The following FAM13A variants were observed in gnomAD, a reference collection of about 807,000 sequenced individuals.
FAM13A encodes family with sequence similarity 13 member A.
FAM13A carries 76 observed loss-of-function variants against 129.6 expected under a neutral mutation model. That is an observed-to-expected ratio of 0.59 (90% CI 0.49 to 0.71). The LOEUF (loss-of-function observed/expected upper bound fraction) is 0.71. FAM13A is among the 30% of genes least tolerant of loss of function. FAM13A has a pLI of 0.00. For missense variants in FAM13A, 1,108 were observed against 1,249.3 expected, an observed-to-expected ratio of 0.89 and a Z score of 1.70; for synonymous variants, 443 against 449.9, an observed-to-expected ratio of 0.98 and a Z score of 0.20.
chr4:88,749,873 C>T lies in FAM13A; in HGVS notation c.1977G>A (p.Glu659=), dbSNP rs751192648. ...GCTGGGCAGGTGTCAGGTCCTCTTG[C>T]TCATCATCATAGGACCCCAGAGAGG... ...RSSSLGSYDD[E]QEDLTPAQLT... Residue 659 remains glutamate, a synonymous_variant, in exon 16 of 24, where the codon GAG becomes GAA. Transcript: ENST00000264344. 6.2e-7 allele frequency: 1 copy of T among 1,614,066 alleles called. No individual in the cohort carries two copies.
intron 4 of FAM13A, among the ~76,000 whole-genome samples, chr4:88,964,379 G>C (rs1759060113): frequency 6.6e-6 from 1 of 152,018 alleles, no homozygotes; most frequent in African/African-American, 2.4e-5. Flanking sequence ...AACTAATGCA[G>C]GTAGGTCATT....
At chr4:88,810,327 C>G (rs1190391437) in intron 7 of FAM13A, among the ~76,000 whole-genome samples, 1 of 152,062 alleles carries the variant, frequency 6.6e-6, no homozygotes, top group African/African-American at 2.4e-5. Flanking sequence ...TACACTGAAA[C>G]CATAATCCCT....
chr4:88,974,151 T>C (rs1049624080), intron 4 of FAM13A, among the ~76,000 whole-genome samples: 1 of 152,232 alleles, frequency 6.6e-6, no homozygotes, highest in Non-Finnish European at 1.5e-5. Context: ...CCCAAAATTA[T>C]GGAGTTCTCC....
intron 7 of FAM13A, among the ~76,000 whole-genome samples, chr4:88,823,778 T>C (rs1732518053): frequency 6.6e-6 from 1 of 152,320 alleles, no homozygotes; most frequent in African/African-American, 2.4e-5. Context: ...TACACTGCGG[T>C]GGTTACTAGT....
chr4:88,810,428 T>C (rs1329655095), intron 7 of FAM13A, among the ~76,000 whole-genome samples: 1 of 152,136 alleles, frequency 6.6e-6, no homozygotes, highest in South Asian at 2.1e-4. Flanking sequence ...CTGAATCTAA[T>C]ATGACTAATG....
intron 6 of FAM13A, among the ~76,000 whole-genome samples, chr4:88,874,448 G>T (rs866636695): frequency 3.9e-5 from 6 of 152,126 alleles, no homozygotes; most frequent in Admixed American, 3.9e-4. Context: ...AAAGTCTCTG[G>T]ATACAAAATC....
intron 3 of FAM13A, among the ~76,000 whole-genome samples, chr4:89,016,904 G>C (rs1477300224): frequency 6.6e-6 from 1 of 152,144 alleles, no homozygotes; most frequent in Non-Finnish European, 1.5e-5. Context: ...AAAAGTGCTG[G>C]GTTACAGGCA....
At chr4:89,036,623 A>C (rs1422698725) in intron 1 of FAM13A, among the ~76,000 whole-genome samples, 1 of 152,238 alleles carries the variant, frequency 6.6e-6, no homozygotes, top group Non-Finnish European at 1.5e-5. Context: ...GAATGTTAAT[A>C]GCCAAGACAA....
At chr4:88,746,138 C>A (rs568481061) in intron 19 of FAM13A, among the ~76,000 whole-genome samples, 8 of 152,124 alleles carry the variant, frequency 5.3e-5, no homozygotes, top group Non-Finnish European at 8.8e-5. Flanking sequence ...TACTTTTTGG[C>A]TATATAAAAA....
intron 1 of FAM13A, among the ~76,000 whole-genome samples, chr4:89,032,231 C>A (rs1022726078): frequency 2.7e-5 from 4 of 150,210 alleles, no homozygotes; most frequent in Admixed American, 6.6e-5. Flanking sequence ...GGCAACAGAG[C>A]GAGACTCCGT....
chr4:88,879,806 C>G (rs1743225119), intron 6 of FAM13A, among the ~76,000 whole-genome samples: 1 of 152,090 alleles, frequency 6.6e-6, no homozygotes, highest in African/African-American at 2.4e-5. Flanking sequence ...CCAGCAAGAG[C>G]AGAGTCTCCC....
intron 1 of FAM13A, among the ~76,000 whole-genome samples, chr4:89,034,715 C>T (rs1490223485): frequency 6.6e-6 from 1 of 152,172 alleles, no homozygotes; most frequent in African/African-American, 2.4e-5. Context: ...AACCCCATCT[C>T]TACTAAAAAT....
At chr4:88,731,556 T>C (rs1737797090) in intron 22 of FAM13A, 128 bp from the exon 23 acceptor site, 2 of 552,400 alleles carry the variant, frequency 3.6e-6, no homozygotes, top group Non-Finnish European at 3.1e-6. Context: ...GCTGAGAGCA[T>C]TGAGGGGGCG....
At chr4:88,808,540 C>T (rs1442137281) in intron 7 of FAM13A, among the ~76,000 whole-genome samples, 1 of 151,966 alleles carries the variant, frequency 6.6e-6, no homozygotes, top group African/African-American at 2.4e-5. Flanking sequence ...ATAATTTTTT[C>T]CTAAAGATGA....
intron 22 of FAM13A, 26 bp from the exon 23 acceptor site, chr4:88,731,454 A>G (rs764434542): frequency 7.5e-7 from 1 of 1,338,544 alleles, no homozygotes; most frequent in East Asian, 2.3e-5. Context: ...CATTGCAAGG[A>G]AATTAAGTTA....
intron 7 of FAM13A, among the ~76,000 whole-genome samples, chr4:88,834,336 CT>C (rs1734451740): frequency 6.6e-6 from 1 of 151,746 alleles, no homozygotes; most frequent in African/African-American, 2.4e-5. Flanking sequence ...AACCAAAAAT[CT>C]TTTTTTCCTC....
intron 8 of FAM13A, among the ~76,000 whole-genome samples, chr4:88,797,879 T>G (rs570562630): frequency 6.6e-6 from 1 of 152,332 alleles, no homozygotes; most frequent in South Asian, 2.1e-4. Context: ...TTCATCTGAA[T>G]TTTATAAAAA....
intron 7 of FAM13A, among the ~76,000 whole-genome samples, chr4:88,843,251 A>G (rs1356461036): frequency 6.6e-6 from 1 of 152,214 alleles, no homozygotes; most frequent in Non-Finnish European, 1.5e-5. Context: ...TGCATGCTGA[A>G]GCGCACGCTG....
At position 88,987,007 on chromosome 4, in the gene FAM13A, C is replaced by A. The variant is rs541374651; in HGVS notation, c.605+3966G>T. ...AATTCTTCTATAGAAGAAACCAAAGCCCCTTGGAGAAATGGTTAATTCCAT... is the reference window on the plus strand; with the variant it reads ...AATTCTTCTATAGAAGAAACCAAAGACCCTTGGAGAAATGGTTAATTCCAT... On this transcript the variant is annotated intron_variant, in intron 4 of 23. Transcript: ENST00000264344. Among the ~76,000 whole-genome samples, 121 of 152,224 alleles carry A rather than the reference C, an allele frequency of 7.9e-4. 1 individual carries two copies. Among genetic ancestry groups the A allele is most frequent in the Non-Finnish European group, 1.5e-3 (102 of 68,016 alleles).
Sources: allele counts gnomAD v4.1 joint callset (sites outside exome capture counted in the v4.1 genomes callset), GRCh38; gene constraint gnomAD v4.1.1; transcripts MANE v1.5; gene names NCBI Gene and HGNC (gene_info 2026-07-23, HGNC 2026-07-21).